Variants in SAMD12 observed in about 807,000 individuals in gnomAD.
SAMD12 encodes sterile alpha motif domain containing 12, also known as sterile alpha motif domain-containing protein 12.
A neutral mutation model predicts 15.0 loss-of-function variants in SAMD12; 9 were observed. That is an observed-to-expected ratio of 0.60 (90% CI 0.36 to 1.05). SAMD12 has a LOEUF of 1.05. Ranked by LOEUF, SAMD12 falls within the 50% of genes least tolerant of loss-of-function variation. The pLI is 0.01. For synonymous variants in SAMD12, 86 were observed against 90.1 expected (o/e 0.96, Z 0.25); for missense variants, 230 against 234.2 (o/e 0.98, Z 0.12).
intron 4 of SAMD12, among the ~76,000 whole-genome samples, chr8:118,293,524 T>TA (rs749102892): frequency 2.6e-5 from 4 of 152,234 alleles, no homozygotes; most frequent in Non-Finnish European, 5.9e-5. Context: ...ATATTTGGTT[T>TA]AAAAATACAT....
intron 2 of SAMD12, among the ~76,000 whole-genome samples, chr8:118,570,241 T>G (rs1296557026): frequency 6.6e-6 from 1 of 152,174 alleles, no homozygotes. Context: ...CAGGGGTACA[T>G]GTACAGGTTT....
At chr8:118,194,434 T>A (rs1046874349) in exon 5 of SAMD12, 1 of 152,184 alleles carries the variant, frequency 6.6e-6, no homozygotes, top group Non-Finnish European at 1.5e-5. Context: ...TAATTTGCTT[T>A]TCACACTAGC....
the SAMD12 span, among the ~76,000 whole-genome samples, chr8:118,136,172 G>A: frequency 9.9e-5 from 15 of 152,200 alleles, no homozygotes; most frequent in African/African-American, 2.9e-4. Context: ...TGGGATTACA[G>A]GTGTGTGCCA....
intron 1 of SAMD12, among the ~76,000 whole-genome samples, chr8:118,581,891 A>C (rs558250221): frequency 2.3e-4 from 35 of 152,290 alleles, no homozygotes; most frequent in African/African-American, 8.2e-4. Flanking sequence ...AGAGAAGTTA[A>C]GGCCAGATAC....
At chr8:118,521,976 T>C (rs1825399321) in intron 2 of SAMD12, among the ~76,000 whole-genome samples, 1 of 152,144 alleles carries the variant, frequency 6.6e-6, no homozygotes, top group South Asian at 2.1e-4. Context: ...GAAAATACAG[T>C]GTGCCAAGGA....
At chr8:118,517,655 T>C (rs976088127) in intron 2 of SAMD12, among the ~76,000 whole-genome samples, 7 of 152,188 alleles carry the variant, frequency 4.6e-5, no homozygotes, top group Non-Finnish European at 1.0e-4. Context: ...AACTGTCATA[T>C]AAAAGATCAG....
At chr8:118,307,989 C>T (rs536322584) in intron 4 of SAMD12, among the ~76,000 whole-genome samples, 24 of 152,346 alleles carry the variant, frequency 1.6e-4, no homozygotes, top group Non-Finnish European at 3.1e-4. Context: ...CCTCTTTCCA[C>T]GTGACTGTTT....
intron 4 of SAMD12, among the ~76,000 whole-genome samples, chr8:118,365,917 G>A (rs1470406969): frequency 2.0e-5 from 3 of 151,960 alleles, no homozygotes; most frequent in Non-Finnish European, 2.9e-5. Context: ...CTGCTTACTT[G>A]CTCCCCAAAG....
At chr8:118,305,845 A>T (rs918405331) in intron 4 of SAMD12, among the ~76,000 whole-genome samples, 3 of 152,032 alleles carry the variant, frequency 2.0e-5, no homozygotes, top group Non-Finnish European at 4.4e-5. Flanking sequence ...TACACCTTCC[A>T]GGTAGTTTTA....
chr8:118,156,882 C>T, the SAMD12 span, among the ~76,000 whole-genome samples: 1 of 144,462 alleles, frequency 6.9e-6, no homozygotes, highest in Non-Finnish European at 1.6e-5. Context: ...CAATATTTGA[C>T]ATGAGTAAGT....
chr8:118,379,118 T>G lies in SAMD12; in HGVS notation c.*299A>C. The G allele has an allele frequency of 8.9e-7, 1 of 1,119,352 alleles. No individual in the cohort carries two copies. Among genetic ancestry groups the G allele is most frequent in the Non-Finnish European group, 1.1e-6 (1 of 912,764 alleles). 69.3% of individuals were successfully genotyped at this position (1,119,352 alleles called of 1,614,324 possible). On this transcript the variant is annotated 3_prime_UTR_variant, in exon 4 of 4. Coordinates refer to ENST00000314727, the MANE Select transcript of SAMD12 (RefSeq NM_207506.3). The stretch of plus-strand genomic sequence containing the variant: ...ACAACAAAAACTCCACTTATATCAC[T>G]GGTCATCGTAACTATTGAATCACTC...
At chr8:118,285,439 T>C (rs1167088792) in intron 4 of SAMD12, among the ~76,000 whole-genome samples, 1 of 152,232 alleles carries the variant, frequency 6.6e-6, no homozygotes. Context: ...TAATAAAATA[T>C]GAATGTTGTC....
chr8:118,279,041 A>AAT (rs1813541081), intron 4 of SAMD12, among the ~76,000 whole-genome samples: 6 of 152,206 alleles, frequency 3.9e-5, no homozygotes, highest in Admixed American at 3.9e-4. Context: ...GTGTGTTTAT[A>AAT]TAATCTGGGC....
intron 3 of SAMD12, among the ~76,000 whole-genome samples, chr8:118,427,253 A>G (rs1386136314): frequency 1.3e-5 from 2 of 152,228 alleles, no homozygotes; most frequent in African/African-American, 4.8e-5. Context: ...AATGGAAAAA[A>G]TGCAGGATAA....
intron 3 of SAMD12, among the ~76,000 whole-genome samples, chr8:118,406,945 A>T (rs995489157): frequency 2.7e-5 from 4 of 146,758 alleles, no homozygotes; most frequent in South Asian, 2.2e-4. Flanking sequence ...TTATTTAGTC[A>T]TTTGTTGATG....
chr8:118,223,344 C>G (rs920830184), intron 4 of SAMD12, among the ~76,000 whole-genome samples: 1 of 152,200 alleles, frequency 6.6e-6, no homozygotes, highest in African/African-American at 2.4e-5. Flanking sequence ...CAAAGTCACA[C>G]TAAGTCACTC....
chr8:118,281,085 G>A (rs1324684889), intron 4 of SAMD12, among the ~76,000 whole-genome samples: 1 of 149,056 alleles, frequency 6.7e-6, no homozygotes, highest in African/African-American at 2.4e-5. Flanking sequence ...TACTAGCAAG[G>A]AAAATATCAT....
the SAMD12 span, among the ~76,000 whole-genome samples, chr8:118,135,570 T>C: frequency 6.6e-6 from 1 of 152,164 alleles, no homozygotes; most frequent in East Asian, 1.9e-4. Flanking sequence ...TGAGACATGT[T>C]CTTGCTCTGT....
chr8:118,494,018 G>C (rs1021996201), intron 2 of SAMD12, among the ~76,000 whole-genome samples: 1 of 152,144 alleles, frequency 6.6e-6, no homozygotes, highest in African/African-American at 2.4e-5. Context: ...TGGTGCCATG[G>C]TATTGTATTA....
Sources: gnomAD v4.1 joint callset for allele counts (sites outside exome capture counted in the v4.1 genomes callset) on GRCh38, gnomAD v4.1.1 for gene constraint, MANE v1.5 for transcripts, NCBI Gene and HGNC (gene_info 2026-07-23, HGNC 2026-07-21) for gene names.